Variants in SIK2 observed in about 807,000 individuals in gnomAD.
SIK2 encodes the protein serine/threonine-protein kinase SIK2.
In SIK2, 29 loss-of-function variants were observed where a neutral mutation model predicts 103.2. That is an observed-to-expected ratio of 0.28 (90% CI 0.21 to 0.38). The LOEUF (loss-of-function observed/expected upper bound fraction) is 0.38. SIK2 is among the 10% of genes least tolerant of loss of function. SIK2 has a pLI of 1.00. For synonymous variants in SIK2, 412 were observed against 446.1 expected, an observed-to-expected ratio of 0.92 and a Z score of 0.96; for missense variants, 879 against 1,171.0, an observed-to-expected ratio of 0.75 and a Z score of 3.64.
intron 3 of SIK2, among the ~76,000 whole-genome samples, chr11:111,649,540 C>A (rs1175025716): frequency 6.6e-6 from 1 of 151,930 alleles, no homozygotes; most frequent in East Asian, 1.9e-4. Context: ...GTGTAATTAT[C>A]CAGCTCTATT....
At chr11:111,610,486 TA>T (rs373176733) in intron 1 of SIK2, among the ~76,000 whole-genome samples, 262 of 108,498 alleles carry the variant, frequency 2.4e-3, no homozygotes, top group Middle Eastern at 5.4e-3. Flanking sequence ...AGACTCTGTC[TA>T]AAAAAAAAAA....
chr11:111,666,379 G>A (rs1942542166), intron 3 of SIK2, among the ~76,000 whole-genome samples: 1 of 152,096 alleles, frequency 6.6e-6, no homozygotes, highest in Admixed American at 6.5e-5. Flanking sequence ...GAGTGAGTTT[G>A]CCTAAATCTA....
chr11:111,623,330 C>T (rs982660924), intron 3 of SIK2, among the ~76,000 whole-genome samples: 1 of 152,148 alleles, frequency 6.6e-6, no homozygotes, highest in Non-Finnish European at 1.5e-5. Context: ...CTGCTGATTT[C>T]CAGCATCTCT....
At chr11:111,603,054 C>A (rs924987497) in intron 1 of SIK2, among the ~76,000 whole-genome samples, 1 of 151,772 alleles carries the variant, frequency 6.6e-6, no homozygotes, top group Non-Finnish European at 1.5e-5. Flanking sequence ...CCGCGTCTTC[C>A]CTGCTTTCGG....
chr11:111,672,793 G>T (rs1292485913), intron 3 of SIK2, among the ~76,000 whole-genome samples: 1 of 152,218 alleles, frequency 6.6e-6, no homozygotes, highest in Non-Finnish European at 1.5e-5. Flanking sequence ...GGTAGGTCCA[G>T]ACCTTTGAGC....
At chr11:111,652,697 C>T (rs1330850308) in intron 3 of SIK2, among the ~76,000 whole-genome samples, 2 of 152,090 alleles carry the variant, frequency 1.3e-5, no homozygotes, top group South Asian at 2.1e-4. Flanking sequence ...TAATAATTAC[C>T]ATGTGGCAAG....
At position 111,602,467 on chromosome 11, in the gene SIK2, G is replaced by T. The variant is rs977768544; in HGVS notation, c.-97G>T. 6.2e-6 allele frequency: 8 copies of T among 1,300,282 alleles called. No homozygotes were observed. The highest frequency in any genetic ancestry group is 8.0e-6 in the Non-Finnish European group (8 of 1,004,778). 80.5% of individuals were successfully genotyped at this position (1,300,282 alleles called of 1,614,324 possible). A position where few individuals can be genotyped will look rare whatever the true frequency, so the allele number is the denominator to read the frequency against. On this transcript the variant is annotated 5_prime_UTR_variant, in exon 1 of 15. It adds an upstream start codon to the 5' untranslated region. Transcript: ENST00000304987. The surrounding 1 kb of genome is among the most constrained non-coding windows in gnomAD (Gnocchi z 4.5). ...GGGAGGGAAGGAGCGAAGGAGCGAA[G>T]GAGCAAGCGGAGCGGCCGTCGCCCA...
In SIK2 at chr11:111,705,536, A is replaced by G. The variant is rs1591632522; in HGVS notation, c.1101+397A>G. 6.6e-6 allele frequency among the ~76,000 whole-genome samples: 1 copy of G among 152,230 alleles called. No homozygotes were observed. Among genetic ancestry groups the G allele is most frequent in the Non-Finnish European group, 1.5e-5 (1 of 68,046 alleles). On this transcript the variant is annotated intron_variant, in intron 8 of 14. Transcript: ENST00000304987. This position sits in a 1 kb window ranked among gnomAD's most constrained non-coding sequence, Gnocchi z 4.3. ...TATAAAAATGAAATAAGACAAGATC[A>G]TAAACAACCATCATTCAAAATAGGG... is the stretch of plus-strand genomic sequence containing the variant.
At chr11:111,719,261 A>G (rs1393152196) in intron 9 of SIK2, among the ~76,000 whole-genome samples, 4 of 152,134 alleles carry the variant, frequency 2.6e-5, no homozygotes, top group African/African-American at 9.7e-5. Flanking sequence ...GACTAAATCA[A>G]ATGGGCAGGT....
chr11:111,626,269 A>T (rs1406059840), intron 3 of SIK2, among the ~76,000 whole-genome samples: 3 of 152,190 alleles, frequency 2.0e-5, no homozygotes, highest in Non-Finnish European at 2.9e-5. Flanking sequence ...CTAGTTTGGA[A>T]GGGAAGAAGC....
chr11:111,707,925 G>A (rs561303123), intron 8 of SIK2, among the ~76,000 whole-genome samples: 3 of 152,110 alleles, frequency 2.0e-5, no homozygotes, highest in Non-Finnish European at 4.4e-5. Context: ...ACAGCAATAC[G>A]TACTTCATTA....
rs1416730931 is a variant in SIK2, at chr11:111,602,619, T to A, written c.56T>A (p.Phe19Tyr). The A allele has an allele frequency of 6.5e-7, 1 of 1,534,518 alleles. No homozygotes were observed. Among genetic ancestry groups the A allele is most frequent in the Admixed American group, 2.0e-5 (1 of 50,318 alleles). ...HLQRGPVRVG[F>Y]YDIEGTLGKG... ...CAGCGCGGGCCGGTCCGGGTGGGGT[T>A]CTACGACATCGAGGGCACGCTGGGC... is the stretch of plus-strand genomic sequence containing the variant. The change falls in exon 1 of 15, where the codon TTC becomes TAC. Residue 19 changes from phenylalanine to tyrosine, a missense_variant. Physicochemically the swap from Phe to Tyr is conservative, Grantham distance 22. Coordinates refer to ENST00000304987, the MANE Select transcript of SIK2 (RefSeq NM_015191.3). The surrounding 1 kb of genome is among the most constrained non-coding windows in gnomAD (Gnocchi z 4.5).
chr11:111,633,342 C>T (rs1298536305), intron 3 of SIK2, among the ~76,000 whole-genome samples: 3 of 152,138 alleles, frequency 2.0e-5, no homozygotes, highest in Admixed American at 1.3e-4. Flanking sequence ...GCATGTGTAT[C>T]TTTTATCTCT....
Position 111,646,081 on chromosome 11 carries a change from C to T in SIK2, c.316+25679C>T, listed in dbSNP as rs1021674171. 1.3e-4 allele frequency among the ~76,000 whole-genome samples: 20 copies of T among 152,116 alleles called. No homozygotes were observed. The East Asian group carries it at 1.9e-3, about 15-fold the overall frequency. Reference sequence around the variant, plus strand: ...ATTAAGTATAGTTTTAGTGCATGTGCGCGCACATGAGTGTATGTGTATATT... The same window carrying T: ...ATTAAGTATAGTTTTAGTGCATGTGTGCGCACATGAGTGTATGTGTATATT... On this transcript the variant is annotated intron_variant, in intron 3 of 14. Transcript: ENST00000304987.
intron 3 of SIK2, among the ~76,000 whole-genome samples, chr11:111,639,378 A>G (rs563168919): frequency 2.0e-4 from 31 of 152,294 alleles, no homozygotes; most frequent in African/African-American, 7.5e-4. Flanking sequence ...TCCTTTACTC[A>G]GGAAAACAGC....
At position 111,726,934 on chromosome 11, in the gene SIK2, T is replaced by A; in HGVS notation, c.*2805T>A. The A allele has an allele frequency of 6.2e-7, 1 of 1,605,920 alleles. No individual in the cohort carries two copies. The highest frequency in any genetic ancestry group is 1.7e-4 in the Middle Eastern group (1 of 6,028). On this transcript the variant is annotated 3_prime_UTR_variant, in exon 15 of 15. Transcript: ENST00000304987. Reference sequence around the variant, plus strand: ...AAAGTGCAATATGTGTGGTACTTTATTTTTTATGTTCTTTTTTTAAATCTG... The same window carrying A: ...AAAGTGCAATATGTGTGGTACTTTAATTTTTATGTTCTTTTTTTAAATCTG...
intron 1 of SIK2, among the ~76,000 whole-genome samples, chr11:111,606,518 T>A (rs578174710): frequency 9.9e-5 from 15 of 152,254 alleles, no homozygotes; most frequent in African/African-American, 3.6e-4. Flanking sequence ...TATATATAAC[T>A]TTATAAAAAC....
chr11:111,650,869 C>G (rs541393498), intron 3 of SIK2, among the ~76,000 whole-genome samples: 1 of 151,990 alleles, frequency 6.6e-6, no homozygotes, highest in East Asian at 1.9e-4. Context: ...CCTAAAAATA[C>G]GGTTGGTCTT....
At chr11:111,632,482 A>G (rs1420219762) in intron 3 of SIK2, among the ~76,000 whole-genome samples, 3 of 152,136 alleles carry the variant, frequency 2.0e-5, no homozygotes, top group Non-Finnish European at 4.4e-5. Context: ...AACTCTTACC[A>G]TATATCAGGC....
Sources: allele counts gnomAD v4.1 joint callset (sites outside exome capture counted in the v4.1 genomes callset), GRCh38; gene constraint gnomAD v4.1.1; non-coding constraint Gnocchi (gnomAD v3.1); transcripts MANE v1.5; gene names NCBI Gene and HGNC (gene_info 2026-07-23, HGNC 2026-07-21).